DOCK11: variants seen among roughly 807,000 people sequenced by gnomAD.
DOCK11 encodes dedicator of cytokinesis 11.
In DOCK11, 70 loss-of-function variants were observed where a neutral mutation model predicts 169.1. That is an observed-to-expected ratio of 0.41 (90% CI 0.34 to 0.51). The LOEUF is 0.51. DOCK11 is among the 20% of genes least tolerant of loss of function. DOCK11 has a pLI of 0.10. For missense variants in DOCK11, 1,166 were observed against 1,538.8 expected, an observed-to-expected ratio of 0.76 and a Z score of 4.05; for synonymous variants, 529 against 541.3, an observed-to-expected ratio of 0.98 and a Z score of 0.32.
chrX:118,614,820 C>A, intron 29 of DOCK11, 45 bp downstream of exon 29: 1 of 901,981 alleles, frequency 1.1e-6, no homozygotes, highest in Non-Finnish European at 1.6e-6. Flanking sequence ...GACATCTGAG[C>A]ATAAGACCAA....
At chrX:118,542,175 C>CTT (rs35885757) in intron 1 of DOCK11, among the ~76,000 whole-genome samples, 10 of 100,529 alleles carry the variant, frequency 9.9e-5, no homozygotes, top group East Asian at 3.0e-4. Flanking sequence ...TTCTCCAGAA[C>CTT]TTTTTTTTTT....
intron 10 of DOCK11, among the ~76,000 whole-genome samples, chrX:118,570,102 C>T (rs2013226961): frequency 8.9e-6 from 1 of 112,072 alleles, no homozygotes; most frequent in Non-Finnish European, 1.9e-5. Context: ...AGTGTCGCCT[C>T]GGAGAAACCC....
At chrX:118,568,335 G>T (rs2013143489) in intron 10 of DOCK11, among the ~76,000 whole-genome samples, 173 bp downstream of exon 10, 1 of 91,482 alleles carries the variant, frequency 1.1e-5, no homozygotes, top group African/African-American at 4.0e-5. Context: ...TTCACTCAAG[G>T]GGACTGTCAC....
rs750262333 is a variant in DOCK11, at chrX:118,614,593, TG to T, written c.3097-98del. 57 of 607,620 alleles carry T rather than the reference TG, an allele frequency of 9.4e-5. No homozygotes were observed. The South Asian group carries it at 1.5e-3, about 16-fold the overall frequency. The allele number at this position is 607,620 out of a possible 1,213,427, so 50.1% of individuals were successfully genotyped here. ...ATAAAAATAAAAATGTCTTTCTTTTTGTGTGGAACCAATTTTGAATTTTTAA... is the reference window on the plus strand; with the variant it reads ...ATAAAAATAAAAATGTCTTTCTTTTTTGTGGAACCAATTTTGAATTTTTAA... On this transcript the variant is annotated intron_variant, in intron 28 of 52. Transcript: ENST00000276202.
intron 40 of DOCK11, 27 bp downstream of exon 40, chrX:118,643,621 G>A (rs1275981566): frequency 8.3e-7 from 1 of 1,202,547 alleles, no homozygotes; most frequent in South Asian, 1.8e-5. Context: ...GGGAGCAGCC[G>A]GTGGGCTCTC....
At position 118,646,072 on chromosome X, in the gene DOCK11, A is replaced by C. The variant is rs1431969639; in HGVS notation, c.4398+2478A>C. 7.1e-4 allele frequency among the ~76,000 whole-genome samples: 76 copies of C among 106,679 alleles called. 1 individual carries two copies. The highest frequency in any genetic ancestry group is 1.4e-3 in the Non-Finnish European group (73 of 51,704). The allele number at this position is 106,679 out of a possible 115,157, so 92.6% of individuals were successfully genotyped here. On this transcript the variant is annotated intron_variant, in intron 40 of 52. Coordinates refer to ENST00000276202, the MANE Select transcript of DOCK11 (RefSeq NM_144658.4). ...CTTCGTCAAAAAAAAAAAAAAAAAA[A>C]AAAACACAACAACAACAACAAAAAA... is the stretch of plus-strand genomic sequence containing the variant.
At chrX:118,683,369 A>G in intron 52 of DOCK11, 152 bp downstream of exon 52, 3 of 596,786 alleles carry the variant, frequency 5.0e-6, no homozygotes, top group Non-Finnish European at 7.4e-6. Context: ...TTTAAGTGAT[A>G]CAATACAAAT....
chrX:118,635,044 A>T (rs1040632091), intron 35 of DOCK11, among the ~76,000 whole-genome samples: 4 of 112,206 alleles, frequency 3.6e-5, no homozygotes, highest in Non-Finnish European at 7.5e-5. Context: ...AACAAGTCAA[A>T]TTTTGAGTCT....
rs67646403 is a variant in DOCK11, at chrX:118,629,816, A to ATT, written c.3775-544_3775-543dup. ...GGCATGCACCATCACACCCAGCTAAATTTTTTTTTTTTTTTTTTTTGTAGA... is the reference window on the plus strand; with the variant it reads ...GGCATGCACCATCACACCCAGCTAAATTTTTTTTTTTTTTTTTTTTTTGTAGA... On this transcript the variant is annotated intron_variant, in intron 34 of 52. Transcript: ENST00000276202. Among the ~76,000 whole-genome samples the ATT allele has an allele frequency of 8.3e-3, 623 of 75,392 alleles. 10 individuals are homozygous for ATT. The highest frequency in any genetic ancestry group is 0.049 in the East Asian group (112 of 2,298). 65.5% of individuals were successfully genotyped at this position (75,392 alleles called of 115,157 possible).
intron 1 of DOCK11, among the ~76,000 whole-genome samples, chrX:118,515,264 G>A (rs1414426560): frequency 4.5e-5 from 5 of 111,928 alleles, no homozygotes; most frequent in South Asian, 3.7e-4. Flanking sequence ...ATGGAGTTTC[G>A]CTCTTGTTGC....
intron 1 of DOCK11, among the ~76,000 whole-genome samples, chrX:118,516,018 T>TACACACACAC (rs1556230090): frequency 1.2e-5 from 1 of 81,501 alleles, no homozygotes; most frequent in African/African-American, 5.2e-5. Flanking sequence ...TATATATATA[T>TACACACACAC]ACATTCTTAC....
intron 24 of DOCK11, among the ~76,000 whole-genome samples, chrX:118,606,618 C>T (rs984328930): frequency 7.1e-5 from 8 of 112,192 alleles, no homozygotes; most frequent in African/African-American, 2.6e-4. Flanking sequence ...CTGGCTTTGG[C>T]TTTGCTGCCT....
rs781423968 is a variant in DOCK11, at chrX:118,514,230, A to G, written c.102+18157A>G. On this transcript the variant is annotated intron_variant, in intron 1 of 52. Transcript: ENST00000276202. ...TTCTGCCTGGACTGTAAGTTTCCTG[A>G]GGCCCCCCCCATCAATGCTGAACTG... Among the ~76,000 whole-genome samples the G allele has an allele frequency of 1.5e-3, 164 of 109,242 alleles. 1 individual carries two copies. Among genetic ancestry groups the G allele is most frequent in the Non-Finnish European group, 2.9e-3 (151 of 52,634 alleles). 94.9% of individuals were successfully genotyped at this position (109,242 alleles called of 115,157 possible).
chrX:118,647,088 C>T (rs1320589748), intron 40 of DOCK11, among the ~76,000 whole-genome samples: 1 of 105,888 alleles, frequency 9.4e-6, no homozygotes, highest in Admixed American at 1.0e-4. Context: ...TTTCTTACTC[C>T]TTTTCTATGC....
chrX:118,655,686 A>G, intron 44 of DOCK11, among the ~76,000 whole-genome samples: 1 of 112,021 alleles, frequency 8.9e-6, no homozygotes, highest in Non-Finnish European at 1.9e-5. Context: ...AACAAACTGC[A>G]TCTGCTCAAA....
intron 1 of DOCK11, among the ~76,000 whole-genome samples, chrX:118,541,846 C>T (rs2012015239): frequency 9.0e-6 from 1 of 111,707 alleles, no homozygotes; most frequent in African/African-American, 3.3e-5. Context: ...CAATGGCCAG[C>T]TCGCCTAGAA....
chrX:118,581,192 G>C (rs1195684112), intron 14 of DOCK11, among the ~76,000 whole-genome samples: 1 of 111,841 alleles, frequency 8.9e-6, no homozygotes, highest in Non-Finnish European at 1.9e-5. Flanking sequence ...ATGTTCAGTG[G>C]GTGCTAGGGA....
At chrX:118,543,475 C>G in intron 3 of DOCK11, 36 bp from the exon 4 acceptor site, 1 of 1,086,720 alleles carries the variant, frequency 9.2e-7, no homozygotes, top group South Asian at 1.9e-5. Flanking sequence ...TGTACTTTTC[C>G]TATATTTCAA....
intron 30 of DOCK11, among the ~76,000 whole-genome samples, chrX:118,616,882 A>C (rs2014829682): frequency 9.0e-6 from 1 of 111,417 alleles, no homozygotes; most frequent in Admixed American, 9.6e-5. Context: ...TGGAGAAAAA[A>C]ATATTTTTAA....
Sources: gnomAD v4.1 joint callset for allele counts (sites outside exome capture counted in the v4.1 genomes callset) on GRCh38, gnomAD v4.1.1 for gene constraint, MANE v1.5 for transcripts, NCBI Gene and HGNC (gene_info 2026-07-23, HGNC 2026-07-21) for gene names.